HEMK2: variants seen among roughly 807,000 people sequenced by gnomAD.
HEMK2 encodes the protein HemK methyltransferase 2, ETF1 glutamine and histone H4 lysine, also known as methyltransferase HEMK2.
At chr21:28,754,565 C>T in the HEMK2 span, among the ~76,000 whole-genome samples, 1 of 152,160 alleles carries the variant, frequency 6.6e-6, no homozygotes, top group Non-Finnish European at 1.5e-5. Flanking sequence ...TTCTGAGAGG[C>T]GTTCCAAATA....
At chr21:28,880,267 A>G in the HEMK2 span, among the ~76,000 whole-genome samples, 2 of 152,238 alleles carry the variant, frequency 1.3e-5, no homozygotes, top group African/African-American at 4.8e-5. Context: ...TATAATCTGT[A>G]TAGACTTGGA....
chr21:28,613,097 A>AAGATAGAT, the HEMK2 span, among the ~76,000 whole-genome samples: 15 of 150,902 alleles, frequency 9.9e-5, no homozygotes, highest in African/African-American at 2.7e-4. Context: ...GATAGATAGA[A>AAGATAGAT]AGATAGATAG....
At chr21:28,871,035 T>C in the HEMK2 span, among the ~76,000 whole-genome samples, 31 of 152,354 alleles carry the variant, frequency 2.0e-4, 1 homozygote, top group East Asian at 4.4e-3. Flanking sequence ...GTAGTACTAA[T>C]TGAGACAGAC....
At chr21:28,775,044 C>A in the HEMK2 span, among the ~76,000 whole-genome samples, 1 of 152,164 alleles carries the variant, frequency 6.6e-6, no homozygotes, top group Non-Finnish European at 1.5e-5. Context: ...AGGAAGGAGG[C>A]CCTTCAGGCA....
the HEMK2 span, among the ~76,000 whole-genome samples, chr21:28,730,753 A>G: frequency 6.6e-6 from 1 of 152,194 alleles, no homozygotes; most frequent in Non-Finnish European, 1.5e-5. Context: ...ACTGCAAGCC[A>G]GAAGTCACAA....
At chr21:28,608,266 AAT>A in the HEMK2 span, among the ~76,000 whole-genome samples, 1 of 152,172 alleles carries the variant, frequency 6.6e-6, no homozygotes, top group African/African-American at 2.4e-5. Context: ...TCAGTTTAAT[AAT>A]ATGTTTTCAT....
At chr21:28,734,751 CTAAA>C in the HEMK2 span, among the ~76,000 whole-genome samples, 1 of 152,194 alleles carries the variant, frequency 6.6e-6, no homozygotes, top group Non-Finnish European at 1.5e-5. Context: ...TCCAACCTTT[CTAAA>C]TGTGGCAGTG....
At chr21:28,885,222 C>A in the HEMK2 span, 4 of 1,579,396 alleles carry the variant, frequency 2.5e-6, no homozygotes, top group East Asian at 4.7e-5. Context: ...CCTGCCAGTT[C>A]GGCAGCCGCT....
chr21:28,803,905 C>T, the HEMK2 span, among the ~76,000 whole-genome samples: 4 of 152,320 alleles, frequency 2.6e-5, no homozygotes, highest in African/African-American at 9.6e-5. Flanking sequence ...CTTTCATGGG[C>T]AAGAGAAGGG....
At chr21:28,632,520 A>C in the HEMK2 span, among the ~76,000 whole-genome samples, 2 of 152,236 alleles carry the variant, frequency 1.3e-5, no homozygotes, top group South Asian at 4.1e-4. Flanking sequence ...ACAGCATAAG[A>C]TGTTTTCATT....
At chr21:28,678,324 CGAGAA>C in the HEMK2 span, among the ~76,000 whole-genome samples, 2 of 152,062 alleles carry the variant, frequency 1.3e-5, no homozygotes, top group South Asian at 2.1e-4. Flanking sequence ...CGAAATGAAA[CGAGAA>C]GAGAAGTTTA....
the HEMK2 span, among the ~76,000 whole-genome samples, chr21:28,811,626 C>A: frequency 2.0e-5 from 3 of 152,148 alleles, no homozygotes; most frequent in African/African-American, 7.2e-5. Flanking sequence ...CTTATCCTCA[C>A]TATTCCCACT....
chr21:28,664,471 C>T, the HEMK2 span, among the ~76,000 whole-genome samples: 1 of 152,110 alleles, frequency 6.6e-6, no homozygotes, highest in Non-Finnish European at 1.5e-5. Flanking sequence ...TCTTTCTCTA[C>T]CTTCACCCAA....
At chr21:28,580,625 G>T in the HEMK2 span, among the ~76,000 whole-genome samples, 1 of 151,552 alleles carries the variant, frequency 6.6e-6, no homozygotes, top group Admixed American at 6.6e-5. Context: ...CACAGTGAAA[G>T]TGCCTGCCCT....
chr21:28,769,342 C>T, the HEMK2 span, among the ~76,000 whole-genome samples: 2 of 152,066 alleles, frequency 1.3e-5, no homozygotes, highest in African/African-American at 4.8e-5. Context: ...TTGGAATTTA[C>T]CTCTCAGCTC....
the HEMK2 span, among the ~76,000 whole-genome samples, chr21:28,759,818 A>C: frequency 2.6e-5 from 4 of 152,078 alleles, no homozygotes; most frequent in African/African-American, 9.7e-5. Context: ...GCCTTCCACC[A>C]TGATTGTGAG....
chr21:28,845,521 T>C, the HEMK2 span, among the ~76,000 whole-genome samples: 1 of 152,130 alleles, frequency 6.6e-6, no homozygotes, highest in East Asian at 1.9e-4. Flanking sequence ...GGTGTGTGTA[T>C]TTAATGCTTC....
At chr21:28,803,492 G>C in the HEMK2 span, among the ~76,000 whole-genome samples, 1 of 152,146 alleles carries the variant, frequency 6.6e-6, no homozygotes, top group African/African-American at 2.4e-5. Context: ...TACTGCTACA[G>C]TCAAAGAATC....
the HEMK2 span, among the ~76,000 whole-genome samples, chr21:28,756,263 C>CT: frequency 6.6e-6 from 1 of 152,202 alleles, no homozygotes; most frequent in African/African-American, 2.4e-5. Flanking sequence ...CCACTGATGG[C>CT]TAAACCACTT....
Sources: gnomAD v4.1 joint callset for allele counts (sites outside exome capture counted in the v4.1 genomes callset) on GRCh38, gnomAD v4.1.1 for gene constraint, MANE v1.5 for transcripts, NCBI Gene and HGNC (gene_info 2026-07-23, HGNC 2026-07-21) for gene names.